FANCC: variants seen among roughly 807,000 people sequenced by gnomAD.
FANCC encodes the protein Fanconi anemia group C protein.
FANCC carries 55 observed loss-of-function variants against 71.3 expected under a neutral mutation model. That is an observed-to-expected ratio of 0.77 (90% CI 0.62 to 0.97). FANCC has a LOEUF of 0.97. Among genes scored for constraint, FANCC ranks in the 50% least tolerant of loss-of-function variants. FANCC has a pLI of 0.00. For missense variants in FANCC, 678 were observed against 670.9 expected, an observed-to-expected ratio of 1.01 and a Z score of -0.12; for synonymous variants, 275 against 244.9, an observed-to-expected ratio of 1.12 and a Z score of -1.15.
intron 13 of FANCC, among the ~76,000 whole-genome samples, chr9:95,108,841 A>AT (rs2134488572): frequency 6.6e-6 from 1 of 151,582 alleles, no homozygotes; most frequent in South Asian, 2.1e-4. Context: ...TGTATCTTTC[A>AT]TTTTTCTCTC....
At chr9:95,257,786 C>T (rs1371725337) in intron 1 of FANCC, among the ~76,000 whole-genome samples, 1 of 151,962 alleles carries the variant, frequency 6.6e-6, no homozygotes, top group African/African-American at 2.4e-5. Context: ...GACCGCTAGT[C>T]AGACTAATAA....
At chr9:95,236,853 T>C (rs943187456) in intron 4 of FANCC, among the ~76,000 whole-genome samples, 2 of 152,174 alleles carry the variant, frequency 1.3e-5, no homozygotes, top group Non-Finnish European at 2.9e-5. Context: ...CACAAGGATA[T>C]TGGATGTCAA....
At chr9:95,243,896 A>T (rs1183020763) in intron 3 of FANCC, among the ~76,000 whole-genome samples, 1 of 152,250 alleles carries the variant, frequency 6.6e-6, no homozygotes, top group Non-Finnish European at 1.5e-5. Flanking sequence ...GCAACATCTG[A>T]CTGCTAATGG....
chr9:95,117,481 A>C, intron 10 of FANCC, 91 bp from the exon 11 acceptor site: 1 of 965,302 alleles, frequency 1.0e-6, no homozygotes. Flanking sequence ...TGCCCAAAAA[A>C]GACCCACCAG....
intron 6 of FANCC, among the ~76,000 whole-genome samples, chr9:95,153,645 T>C (rs1483113503): frequency 6.6e-6 from 1 of 152,178 alleles, no homozygotes; most frequent in South Asian, 2.1e-4. Context: ...ATCTATCATA[T>C]CCTTTGCCCA....
intron 14 of FANCC, 142 bp from the exon 15 acceptor site, chr9:95,101,992 G>A: frequency 2.1e-6 from 2 of 967,558 alleles, no homozygotes; most frequent in Admixed American, 2.0e-5. Flanking sequence ...AAGCATCAGG[G>A]GCTCTAGTTT....
At chr9:95,310,973 G>C (rs1054347175) in intron 1 of FANCC, among the ~76,000 whole-genome samples, 2 of 152,152 alleles carry the variant, frequency 1.3e-5, no homozygotes, top group Non-Finnish European at 2.9e-5. Flanking sequence ...GGCCAGGAGC[G>C]GTGGCTCACG....
intron 1 of FANCC, among the ~76,000 whole-genome samples, chr9:95,266,980 G>A (rs1404484296): frequency 2.0e-5 from 3 of 152,008 alleles, no homozygotes; most frequent in Admixed American, 2.0e-4. Flanking sequence ...AACATAAAAA[G>A]AAAAAAGGAA....
At chr9:95,240,488 CT>C (rs1830571619) in intron 4 of FANCC, among the ~76,000 whole-genome samples, 160 bp downstream of exon 4, 1 of 152,144 alleles carries the variant, frequency 6.6e-6, no homozygotes, top group Admixed American at 6.5e-5. Context: ...TCTTGAAAAA[CT>C]TTTTACTCAG....
chr9:95,209,022 G>T (rs549631217), intron 4 of FANCC, among the ~76,000 whole-genome samples: 1 of 152,022 alleles, frequency 6.6e-6, no homozygotes, highest in African/African-American at 2.4e-5. Context: ...GATGACCTTC[G>T]GTAGGTGAAT....
chr9:95,129,887 G>A (rs1466422760), intron 8 of FANCC, among the ~76,000 whole-genome samples: 1 of 152,132 alleles, frequency 6.6e-6, no homozygotes, highest in Non-Finnish European at 1.5e-5. Flanking sequence ...TGCTGGGTGT[G>A]CATCCCCTTG....
chr9:95,218,477 TAA>T (rs760705056), intron 4 of FANCC, among the ~76,000 whole-genome samples: 1 of 151,900 alleles, frequency 6.6e-6, no homozygotes, highest in Non-Finnish European at 1.5e-5. Flanking sequence ...AAAATAATAA[TAA>T]GAGTGAATTA....
At chr9:95,305,916 C>T (rs913976111) in intron 1 of FANCC, among the ~76,000 whole-genome samples, 5 of 152,182 alleles carry the variant, frequency 3.3e-5, no homozygotes, top group Admixed American at 6.5e-5. Flanking sequence ...AAAACTGGGT[C>T]TGGAATGTCA....
chr9:95,293,144 T>C (rs1172423391), intron 1 of FANCC: 2 of 1,613,012 alleles, frequency 1.2e-6, no homozygotes, highest in South Asian at 1.1e-5. Context: ...GAACCATCTT[T>C]TGAAGACTCT....
At chr9:95,289,896 T>G (rs530689759) in intron 1 of FANCC, among the ~76,000 whole-genome samples, 1 of 152,206 alleles carries the variant, frequency 6.6e-6, no homozygotes, top group African/African-American at 2.4e-5. Context: ...TGGGCTCAAG[T>G]GATCCTCCTG....
intron 7 of FANCC, chr9:95,142,513 G>C (rs1219192365): frequency 6.6e-6 from 1 of 152,202 alleles, no homozygotes; most frequent in Non-Finnish European, 1.5e-5. Flanking sequence ...GGCAAGACTG[G>C]GCACATTTAG....
At chr9:95,123,040 G>A (rs1825309085) in intron 10 of FANCC, among the ~76,000 whole-genome samples, 1 of 152,200 alleles carries the variant, frequency 6.6e-6, no homozygotes, top group African/African-American at 2.4e-5. Flanking sequence ...AGTGGCTCAA[G>A]CCTGGAATCC....
chr9:95,196,546 C>A (rs748438650), intron 4 of FANCC, among the ~76,000 whole-genome samples: 1 of 152,090 alleles, frequency 6.6e-6, no homozygotes, highest in Non-Finnish European at 1.5e-5. Context: ...ACACCAGACA[C>A]GACACTACAC....
At chr9:95,151,778 A>C (rs1830182918) in intron 6 of FANCC, among the ~76,000 whole-genome samples, 1 of 151,922 alleles carries the variant, frequency 6.6e-6, no homozygotes, top group African/African-American at 2.4e-5. Context: ...AAATACAAAA[A>C]TTAGCCAGGT....
Sources: gnomAD v4.1 joint callset for allele counts (sites outside exome capture counted in the v4.1 genomes callset) on GRCh38, gnomAD v4.1.1 for gene constraint, MANE v1.5 for transcripts, NCBI Gene and HGNC (gene_info 2026-07-23, HGNC 2026-07-21) for gene names.